Variants in SLC35D4 observed in about 807,000 individuals in gnomAD.
SLC35D4 encodes the protein solute carrier family 35 member D4, also known as UDP-N-acetylglucosamine transporter SLC35D4.
chr18:23,299,464 TCACC>T, the SLC35D4 span, among the ~76,000 whole-genome samples: 1 of 152,190 alleles, frequency 6.6e-6, no homozygotes, highest in Non-Finnish European at 1.5e-5. Context: ...GTGGCTTTGG[TCACC>T]GGATTCACAT....
chr18:23,408,023 C>T, the SLC35D4 span, among the ~76,000 whole-genome samples: 1,991 of 152,192 alleles, frequency 0.013, 17 homozygotes, highest in Non-Finnish European at 0.019. Context: ...GCCAGGAACC[C>T]TCTCCCCACA....
the SLC35D4 span, chr18:23,257,194 A>T: frequency 8.1e-6 from 13 of 1,606,804 alleles, no homozygotes; most frequent in Non-Finnish European, 9.3e-6. Flanking sequence ...TAATTTCAAA[A>T]TGAACATGCT....
chr18:23,365,622 G>A, the SLC35D4 span: 32 of 1,612,948 alleles, frequency 2.0e-5, no homozygotes, highest in African/African-American at 1.2e-4. Flanking sequence ...ACAACACTCC[G>A]GGGGCATTTA....
At chr18:23,417,221 G>A in the SLC35D4 span, among the ~76,000 whole-genome samples, 8 of 148,054 alleles carry the variant, frequency 5.4e-5, no homozygotes, top group South Asian at 1.3e-3. Flanking sequence ...CAGCCTGGAC[G>A]ACAGAGCAAG....
chr18:23,407,545 T>C, the SLC35D4 span, among the ~76,000 whole-genome samples: 15 of 150,934 alleles, frequency 9.9e-5, no homozygotes, highest in African/African-American at 3.7e-4. Context: ...CAAAAGCAGG[T>C]AATTCTGTCT....
chr18:23,284,076 C>T, the SLC35D4 span, among the ~76,000 whole-genome samples: 1 of 152,174 alleles, frequency 6.6e-6, no homozygotes, highest in Non-Finnish European at 1.5e-5. Flanking sequence ...TTTTAGCATG[C>T]TAATGTATTA....
the SLC35D4 span, among the ~76,000 whole-genome samples, chr18:23,379,680 G>A: frequency 1.3e-5 from 2 of 152,194 alleles, no homozygotes. Context: ...CCAGGGCTCT[G>A]GATATGACTG....
At chr18:23,242,368 C>G in the SLC35D4 span, among the ~76,000 whole-genome samples, 1 of 152,152 alleles carries the variant, frequency 6.6e-6, no homozygotes, top group Non-Finnish European at 1.5e-5. Flanking sequence ...GACCACAGAA[C>G]AGAGAATGTT....
At chr18:23,297,874 C>T in the SLC35D4 span, 4 of 1,045,036 alleles carry the variant, frequency 3.8e-6, no homozygotes, top group East Asian at 1.0e-4. Context: ...TGGCACTGCC[C>T]ACCTGGCCTC....
the SLC35D4 span, among the ~76,000 whole-genome samples, chr18:23,251,653 C>T: frequency 1.8e-4 from 27 of 152,228 alleles, no homozygotes; most frequent in African/African-American, 5.3e-4. Context: ...AGGATTTCTC[C>T]AATTTAGAAA....
At chr18:23,412,785 C>T in the SLC35D4 span, among the ~76,000 whole-genome samples, 1,746 of 152,300 alleles carry the variant, frequency 0.011, 39 homozygotes, top group African/African-American at 0.04. Flanking sequence ...CACACCCAAC[C>T]GTTTATGTAT....
the SLC35D4 span, among the ~76,000 whole-genome samples, chr18:23,278,138 C>T: frequency 6.6e-6 from 1 of 152,170 alleles, no homozygotes; most frequent in Non-Finnish European, 1.5e-5. Context: ...ATTTCCTACT[C>T]TCTTCTTGGG....
the SLC35D4 span, among the ~76,000 whole-genome samples, chr18:23,302,167 G>A: frequency 6.6e-6 from 1 of 152,238 alleles, no homozygotes; most frequent in Non-Finnish European, 1.5e-5. Context: ...TCACTCGCCA[G>A]CCACCTGTGC....
chr18:23,363,137 C>T, the SLC35D4 span, among the ~76,000 whole-genome samples: 1 of 150,528 alleles, frequency 6.6e-6, no homozygotes, highest in Admixed American at 6.6e-5. Context: ...CCCAGCTACT[C>T]AGGAGGCTGA....
At chr18:23,401,786 T>C in the SLC35D4 span, among the ~76,000 whole-genome samples, 1 of 152,216 alleles carries the variant, frequency 6.6e-6, no homozygotes, top group South Asian at 2.1e-4. Flanking sequence ...TGCTGAGTTA[T>C]ATATTCCAAG....
the SLC35D4 span, among the ~76,000 whole-genome samples, chr18:23,383,093 A>G: frequency 6.6e-6 from 1 of 152,098 alleles, no homozygotes; most frequent in African/African-American, 2.4e-5. Flanking sequence ...GGAGAAACAG[A>G]TCAGTTCCAT....
chr18:23,255,529 G>A, the SLC35D4 span, among the ~76,000 whole-genome samples: 1 of 151,758 alleles, frequency 6.6e-6, no homozygotes, highest in Non-Finnish European at 1.5e-5. Context: ...GAATCAGTAG[G>A]CTTATACAGA....
the SLC35D4 span, among the ~76,000 whole-genome samples, chr18:23,372,879 C>T: frequency 6.7e-6 from 1 of 150,254 alleles, no homozygotes; most frequent in Non-Finnish European, 1.5e-5. Flanking sequence ...GTGGTGGGGA[C>T]CTAATAATGC....
At chr18:23,265,434 C>T in the SLC35D4 span, among the ~76,000 whole-genome samples, 2 of 152,022 alleles carry the variant, frequency 1.3e-5, no homozygotes, top group East Asian at 3.9e-4. Flanking sequence ...AACGGTGTCT[C>T]ATCAAGTACG....
Sources: gnomAD v4.1 joint callset for allele counts (sites outside exome capture counted in the v4.1 genomes callset) on GRCh38, gnomAD v4.1.1 for gene constraint, MANE v1.5 for transcripts, NCBI Gene and HGNC (gene_info 2026-07-23, HGNC 2026-07-21) for gene names.